ATP10B: variants seen among roughly 807,000 people sequenced by gnomAD.
The protein encoded by ATP10B is ATPase phospholipid transporting 10B (putative).
A neutral mutation model predicts 141.2 loss-of-function variants in ATP10B; 122 were observed. That is an observed-to-expected ratio of 0.86 (90% CI 0.75 to 1.00). ATP10B has a LOEUF of 1.00. ATP10B is among the 50% of genes least tolerant of loss of function. ATP10B has a pLI of 0.00. For synonymous variants in ATP10B, 685 were observed against 692.0 expected (o/e 0.99, Z 0.16); for missense variants, 1,876 against 1,825.3 (o/e 1.03, Z -0.51).
chr5:160,701,622 G>A (rs909219763), intron 3 of ATP10B, among the ~76,000 whole-genome samples: 1 of 151,944 alleles, frequency 6.6e-6, no homozygotes, highest in Non-Finnish European at 1.5e-5. Flanking sequence ...AGTGCCTGCT[G>A]GAAGTAGTCA....
chr5:160,847,125 T>C (rs1776172639), intron 1 of ATP10B, among the ~76,000 whole-genome samples: 1 of 152,188 alleles, frequency 6.6e-6, no homozygotes, highest in Non-Finnish European at 1.5e-5. Context: ...ATTTGAACTG[T>C]TGTCTGCATG....
intron 2 of ATP10B, among the ~76,000 whole-genome samples, chr5:160,720,755 C>T (rs1765940568): frequency 6.6e-6 from 1 of 152,306 alleles, no homozygotes; most frequent in African/African-American, 2.4e-5. Context: ...AAAATTCCTT[C>T]CTGGATGTTT....
intron 2 of ATP10B, among the ~76,000 whole-genome samples, chr5:160,766,969 C>A (rs1769491286): frequency 6.6e-6 from 1 of 152,004 alleles, no homozygotes; most frequent in Non-Finnish European, 1.5e-5. Context: ...GGGGATTTTT[C>A]AAGCTTGGTG....
At chr5:160,752,782 G>C (rs1470662891) in intron 2 of ATP10B, among the ~76,000 whole-genome samples, 1 of 152,184 alleles carries the variant, frequency 6.6e-6, no homozygotes, top group Non-Finnish European at 1.5e-5. Context: ...AGAGGCTTCA[G>C]TGAAGAAAGT....
At chr5:160,631,622 T>G (rs1758945288) in intron 13 of ATP10B, among the ~76,000 whole-genome samples, 1 of 152,274 alleles carries the variant, frequency 6.6e-6, no homozygotes. Flanking sequence ...CCTTACAGGC[T>G]TATCTGTTGT....
chr5:160,826,320 G>C (rs116186374), intron 1 of ATP10B, among the ~76,000 whole-genome samples: 1 of 152,032 alleles, frequency 6.6e-6, no homozygotes, highest in Admixed American at 6.6e-5. Context: ...CAGGGACCCC[G>C]AACAGAAGGA....
chr5:160,803,436 G>A (rs1772532330), intron 1 of ATP10B, among the ~76,000 whole-genome samples: 1 of 152,186 alleles, frequency 6.6e-6, no homozygotes, highest in Non-Finnish European at 1.5e-5. Context: ...CCAGCACTTT[G>A]GGAGGCTGAG....
intron 24 of ATP10B, among the ~76,000 whole-genome samples, chr5:160,583,825 C>T (rs1755708210): frequency 6.6e-6 from 1 of 152,204 alleles, no homozygotes; most frequent in African/African-American, 2.4e-5. Flanking sequence ...TTTGTTTACA[C>T]TGTGAGGGGA....
intron 1 of ATP10B, among the ~76,000 whole-genome samples, chr5:160,803,516 A>G (rs1372031764): frequency 6.6e-6 from 1 of 152,016 alleles, no homozygotes; most frequent in African/African-American, 2.4e-5. Context: ...TCCCTACTAA[A>G]AATACAAAAA....
chr5:160,858,422 CTTTT>C, the ATP10B span, among the ~76,000 whole-genome samples: 1 of 151,628 alleles, frequency 6.6e-6, no homozygotes, highest in Non-Finnish European at 1.5e-5. Context: ...CTTTGTCTAT[CTTTT>C]TTTTAAAATA....
intron 2 of ATP10B, among the ~76,000 whole-genome samples, chr5:160,731,557 A>C (rs1416808334): frequency 2.6e-5 from 4 of 152,156 alleles, no homozygotes; most frequent in Non-Finnish European, 5.9e-5. Flanking sequence ...AGTTGTATGG[A>C]GAATGGGAGT....
rs1296338792 is a variant in ATP10B at position 160,563,967 on chromosome 5, C to G, written c.*1486G>C. The G allele has an allele frequency of 6.6e-6, 1 of 152,208 alleles. No homozygotes were observed. The highest frequency in any genetic ancestry group is 6.5e-5 in the Admixed American group (1 of 15,278). 9.4% of individuals were successfully genotyped at this position (152,208 alleles called of 1,614,324 possible). A position where few individuals can be genotyped will look rare whatever the true frequency, so the allele number is the denominator to read the frequency against. On this transcript the variant is annotated 3_prime_UTR_variant, in exon 26 of 26. Coordinates refer to ENST00000327245, the MANE Select transcript of ATP10B (RefSeq NM_025153.3). The stretch of plus-strand genomic sequence containing the variant: ...ACAGTGTATTAGCTCCAGGACAGTG[C>G]TGCAAATGGCCCTTCCAGTCCAGGT...
the ATP10B span, among the ~76,000 whole-genome samples, chr5:160,892,926 C>T: frequency 6.6e-6 from 1 of 152,134 alleles, no homozygotes; most frequent in Admixed American, 6.5e-5. Context: ...TGTCATGTAA[C>T]CCGGGAAGTG....
At chr5:160,836,679 C>T (rs2127982528) in intron 1 of ATP10B, among the ~76,000 whole-genome samples, 1 of 152,236 alleles carries the variant, frequency 6.6e-6, no homozygotes, top group Middle Eastern at 3.4e-3. Flanking sequence ...CCACAAGTTT[C>T]CCAGCAAGTT....
intron 3 of ATP10B, among the ~76,000 whole-genome samples, chr5:160,697,167 G>T (rs945676132): frequency 1.3e-5 from 2 of 152,086 alleles, no homozygotes; most frequent in African/African-American, 4.8e-5. Flanking sequence ...TTAAATTGAT[G>T]ACATTTTAGA....
intron 10 of ATP10B, among the ~76,000 whole-genome samples, chr5:160,637,512 G>A (rs1759508214): frequency 1.3e-5 from 2 of 152,300 alleles, no homozygotes; most frequent in South Asian, 4.1e-4. Context: ...GCAGAGCCTA[G>A]AATGCTGTGA....
chr5:160,882,097 A>T, the ATP10B span, among the ~76,000 whole-genome samples: 325 of 152,272 alleles, frequency 2.1e-3, no homozygotes, highest in African/African-American at 7.5e-3. Flanking sequence ...TGGAAGGGGG[A>T]GGAGGAGGCA....
In ATP10B at chr5:160,819,850, A is replaced by C. The variant is rs554980568; in HGVS notation, c.-576+32091T>G. Among the ~76,000 whole-genome samples the C allele has an allele frequency of 3.3e-5, 5 of 152,290 alleles. No homozygotes were observed. In the East Asian group the frequency reaches 9.6e-4, roughly 29 times the overall value. On this transcript the variant is annotated intron_variant, in intron 1 of 25. Transcript: ENST00000327245. ...AATGGATACAGAAAGAATAAAAAGC[A>C]AGAAATTAAATCATACTAGCAGAGA... is the stretch of plus-strand genomic sequence containing the variant.
At chr5:160,878,588 G>A in the ATP10B span, among the ~76,000 whole-genome samples, 26 of 151,598 alleles carry the variant, frequency 1.7e-4, no homozygotes, top group East Asian at 1.2e-3. Context: ...TACCGTCAGA[G>A]CGAACAGGCA....
Sources: gnomAD v4.1 joint callset for allele counts (sites outside exome capture counted in the v4.1 genomes callset) on GRCh38, gnomAD v4.1.1 for gene constraint, MANE v1.5 for transcripts, NCBI Gene and HGNC (gene_info 2026-07-23, HGNC 2026-07-21) for gene names.